TIMP3: variants seen among roughly 807,000 people sequenced by gnomAD.
The protein encoded by TIMP3 is TIMP metallopeptidase inhibitor 3, also known as metalloproteinase inhibitor 3.
In TIMP3, 11 loss-of-function variants were observed where a neutral mutation model predicts 30.0. The ratio of observed to expected loss-of-function variants is 0.37; its 90% CI spans 0.23 to 0.61. The LOEUF (loss-of-function observed/expected upper bound fraction) is 0.61, where lower values mean the gene tolerates loss of function less well. Ranked by LOEUF, TIMP3 falls within the 20% of genes least tolerant of loss-of-function variation. TIMP3 has a pLI of 0.70. For synonymous variants in TIMP3, 112 were observed against 111.3 expected, an observed-to-expected ratio of 1.01 and a Z score of -0.04; for missense variants, 181 against 276.8, an observed-to-expected ratio of 0.65 and a Z score of 2.45.
chr22:32,855,292 T>C (rs137484), intron 2 of TIMP3, among the ~76,000 whole-genome samples: 5,294 of 152,308 alleles, frequency 0.035, 142 homozygotes, highest in Non-Finnish European at 0.055. Flanking sequence ...CAAAGCGGAC[T>C]CAGCTTCTGT....
chr22:32,823,586 T>C (rs1460449314), intron 1 of TIMP3, among the ~76,000 whole-genome samples: 2 of 151,812 alleles, frequency 1.3e-5, no homozygotes, highest in Non-Finnish European at 2.9e-5. Flanking sequence ...GGAATAGCAA[T>C]TGGAGGGAAG....
At chr22:32,807,293 GATATATATATATAA>G in intron 1 of TIMP3, among the ~76,000 whole-genome samples, 1 of 124,798 alleles carries the variant, frequency 8.0e-6, no homozygotes, top group Non-Finnish European at 1.6e-5. Flanking sequence ...TGGTTTGGAG[GATATATATATATAA>G]ATATATAATA....
At chr22:32,804,436 GACCCACACA>G (rs2145944882) in intron 1 of TIMP3, among the ~76,000 whole-genome samples, 1 of 152,264 alleles carries the variant, frequency 6.6e-6, no homozygotes, top group African/African-American at 2.4e-5. Flanking sequence ...CATTCCTTGG[GACCCACACA>G]ACCCCACCAG....
chr22:32,818,367 TG>T (rs1403285579), intron 1 of TIMP3, among the ~76,000 whole-genome samples: 1 of 152,042 alleles, frequency 6.6e-6, no homozygotes, highest in East Asian at 1.9e-4. Flanking sequence ...GCCCAGGGGC[TG>T]GGGGCAGCAT....
At chr22:32,832,851 C>G (rs1318045614) in intron 1 of TIMP3, among the ~76,000 whole-genome samples, 1 of 152,018 alleles carries the variant, frequency 6.6e-6, no homozygotes, top group Non-Finnish European at 1.5e-5. Context: ...CCTCAGCCTC[C>G]CAAGTAGCTG....
Position 32,859,398 on chromosome 22 carries a change from T to C in TIMP3, c.*21T>C. On this transcript the variant is annotated 3_prime_UTR_variant, in exon 5 of 5. Transcript: ENST00000266085. The stretch of plus-strand genomic sequence containing the variant: ...CCTGAGCGCCAGACCCTGCCCCACC[T>C]CACTTCCCTCCCTTCCCGCTGAGCT... 6.2e-7 allele frequency: 1 copy of C among 1,601,398 alleles called. No homozygotes were observed. The highest frequency in any genetic ancestry group is 1.1e-5 in the South Asian group (1 of 90,376).
intron 1 of TIMP3, among the ~76,000 whole-genome samples, chr22:32,812,575 T>A (rs2046943919): frequency 6.6e-6 from 1 of 152,112 alleles, no homozygotes; most frequent in South Asian, 2.1e-4. Flanking sequence ...GGATTAAGAC[T>A]CAATACTCAT....
At chr22:32,830,785 C>T (rs77987111) in intron 1 of TIMP3, among the ~76,000 whole-genome samples, 34 of 152,256 alleles carry the variant, frequency 2.2e-4, no homozygotes, top group Non-Finnish European at 3.8e-4. Context: ...ATCCGCCTCA[C>T]GCTTCTCTGT....
At chr22:32,818,436 G>A (rs565809960) in intron 1 of TIMP3, among the ~76,000 whole-genome samples, 59 of 152,312 alleles carry the variant, frequency 3.9e-4, no homozygotes, top group African/African-American at 1.4e-3. Context: ...GCCTGGCTCT[G>A]CTCCTTCTGC....
intron 1 of TIMP3, among the ~76,000 whole-genome samples, chr22:32,824,157 A>G (rs2047335654): frequency 1.3e-5 from 2 of 151,946 alleles, no homozygotes; most frequent in Admixed American, 6.6e-5. Context: ...GCACATCTGA[A>G]GTCCCAGCTA....
chr22:32,811,731 T>A (rs968707538), intron 1 of TIMP3, among the ~76,000 whole-genome samples: 3 of 152,168 alleles, frequency 2.0e-5, no homozygotes, highest in Admixed American at 6.6e-5. Context: ...GATGTCAGTA[T>A]TGAGAATGGC....
intron 1 of TIMP3, among the ~76,000 whole-genome samples, chr22:32,843,942 T>C (rs368512889): frequency 3.9e-5 from 6 of 152,036 alleles, no homozygotes; most frequent in African/African-American, 1.4e-4. Flanking sequence ...TGTGTGTGTG[T>C]GGGGTGGCGG....
intron 4 of TIMP3, 60 bp downstream of exon 4, chr22:32,858,198 T>A: frequency 6.2e-7 from 1 of 1,603,026 alleles, no homozygotes; most frequent in South Asian, 1.1e-5. Context: ...CCTAGAAACA[T>A]CAGCTCCCAA....
chr22:32,813,502 C>G (rs888117700), intron 1 of TIMP3, among the ~76,000 whole-genome samples: 3 of 148,962 alleles, frequency 2.0e-5, no homozygotes, highest in Non-Finnish European at 4.4e-5. Context: ...CACACACACA[C>G]ACACACACAC....
intron 2 of TIMP3, among the ~76,000 whole-genome samples, chr22:32,851,660 A>G (rs1236301357): frequency 6.6e-6 from 1 of 152,130 alleles, no homozygotes; most frequent in African/African-American, 2.4e-5. Context: ...ACTCAGAGTC[A>G]AGCATTTAAC....
intron 1 of TIMP3, among the ~76,000 whole-genome samples, chr22:32,829,676 T>C (rs1450805643): frequency 2.0e-5 from 3 of 152,148 alleles, no homozygotes; most frequent in Admixed American, 6.5e-5. Flanking sequence ...GCCAGGACAA[T>C]GCCGGTCCCC....
chr22:32,819,042 G>A (rs1473329336), intron 1 of TIMP3, among the ~76,000 whole-genome samples: 2 of 152,252 alleles, frequency 1.3e-5, no homozygotes, highest in South Asian at 2.1e-4. Flanking sequence ...GTATAGGTGA[G>A]CCAGAGGAAA....
At chr22:32,812,282 T>C (rs1473401873) in intron 1 of TIMP3, among the ~76,000 whole-genome samples, 1 of 152,236 alleles carries the variant, frequency 6.6e-6, no homozygotes, top group African/African-American at 2.4e-5. Flanking sequence ...GTTAGAAATA[T>C]GGTCTATTAA....
chr22:32,863,012 A>G lies in TIMP3; in HGVS notation c.*3635A>G, dbSNP rs1261499366. The stretch of plus-strand genomic sequence containing the variant: ...CTTTTTATAGTGTGTCCTTTATTCT[A>G]AACAGTAAAGTGGTTTTATTTCTAT... On this transcript the variant is annotated 3_prime_UTR_variant, in exon 5 of 5. Transcript: ENST00000266085. The G allele has an allele frequency of 1.3e-5, 2 of 152,650 alleles. No homozygotes were observed. The highest frequency in any genetic ancestry group is 4.8e-5 in the African/African-American group (2 of 41,458). 9.5% of individuals were successfully genotyped at this position (152,650 alleles called of 1,614,324 possible).
Sources: allele counts gnomAD v4.1 joint callset (sites outside exome capture counted in the v4.1 genomes callset), GRCh38; gene constraint gnomAD v4.1.1; transcripts MANE v1.5; gene names NCBI Gene and HGNC (gene_info 2026-07-23, HGNC 2026-07-21).